Variants in NUP210 observed in about 807,000 individuals in gnomAD.
The protein encoded by NUP210 is nucleoporin 210, also known as nuclear pore membrane glycoprotein 210.
A neutral mutation model predicts 196.0 loss-of-function variants in NUP210; 151 were observed. The ratio of observed to expected loss-of-function variants is 0.77; its 90% CI spans 0.67 to 0.88. NUP210 has a LOEUF of 0.88. NUP210 is among the 40% of genes least tolerant of loss of function. The pLI is 0.00. For missense variants in NUP210, 2,314 were observed against 2,493.7 expected (o/e 0.93, Z 1.53); for synonymous variants, 1,070 against 1,052.7 (o/e 1.02, Z -0.32).
At chr3:13,394,357 C>A (rs1267380096) in intron 3 of NUP210, among the ~76,000 whole-genome samples, 7 of 152,176 alleles carry the variant, frequency 4.6e-5, no homozygotes, top group African/African-American at 1.4e-4. Context: ...TTGCTTTTTC[C>A]ACGCAAAAAG....
At position 13,322,296 on chromosome 3, in the gene NUP210, G is replaced by A; in HGVS notation, c.4812C>T (p.His1604=). The A allele has an allele frequency of 1.2e-6, 2 of 1,614,218 alleles. No individual in the cohort carries two copies. Among genetic ancestry groups the A allele is most frequent in the Non-Finnish European group, 1.7e-6 (2 of 1,180,040 alleles). Residue 1604 remains histidine, a synonymous_variant, in exon 35 of 40, where the codon CAC becomes CAT. Coordinates refer to ENST00000254508, the MANE Select transcript of NUP210 (RefSeq NM_024923.4). ...ACTGGCAGCTGATGAGGGTCTCTGG[G>A]TGCAAGGCCTGGATGACTTCCCTCT... The part of the protein sequence containing the change: ...PTQREVIQAL[H]PETLISCQSQ...
At chr3:13,371,776 C>T in intron 13 of NUP210, 58 bp downstream of exon 13, 1 of 1,494,338 alleles carries the variant, frequency 6.7e-7, no homozygotes, top group Non-Finnish European at 9.1e-7. Flanking sequence ...ATGCTGAGAA[C>T]CCAGACAATC....
intron 5 of NUP210, 47 bp downstream of exon 5, chr3:13,388,256 G>C: frequency 2.6e-6 from 4 of 1,519,186 alleles, no homozygotes; most frequent in South Asian, 2.5e-5. Flanking sequence ...CCGTCAGCCT[G>C]ATTCCACCCC....
intron 13 of NUP210, among the ~76,000 whole-genome samples, chr3:13,367,583 T>C (rs777488755): frequency 4.6e-5 from 7 of 152,168 alleles, no homozygotes; most frequent in East Asian, 1.9e-4. Flanking sequence ...CTTCTGGTAT[T>C]TGGCCTTTCC....
chr3:13,410,950 G>A (rs1426571715), intron 1 of NUP210, among the ~76,000 whole-genome samples: 2 of 149,574 alleles, frequency 1.3e-5, no homozygotes, highest in Admixed American at 1.3e-4. Flanking sequence ...AGCCAGGTGT[G>A]GTGGCATGCA....
At chr3:13,354,285 C>T in intron 16 of NUP210, 178 bp from the exon 17 acceptor site, 1 of 608,318 alleles carries the variant, frequency 1.6e-6, no homozygotes. Flanking sequence ...CCCCCATGGC[C>T]CTGTCCAAGC....
intron 25 of NUP210, among the ~76,000 whole-genome samples, chr3:13,339,319 T>C: frequency 6.6e-6 from 1 of 152,200 alleles, no homozygotes; most frequent in East Asian, 1.9e-4. Flanking sequence ...TGACTGACTC[T>C]GAAACAGGTT....
At chr3:13,389,890 C>T (rs972129811) in intron 4 of NUP210, among the ~76,000 whole-genome samples, 1 of 152,082 alleles carries the variant, frequency 6.6e-6, no homozygotes, top group African/African-American at 2.4e-5. Flanking sequence ...GGACCCTGGC[C>T]GTGAGGGAAC....
intron 20 of NUP210, among the ~76,000 whole-genome samples, chr3:13,346,413 G>T (rs1288441644): frequency 2.0e-5 from 3 of 152,208 alleles, no homozygotes; most frequent in Non-Finnish European, 4.4e-5. Context: ...GTTTGCGAGG[G>T]GAAAGAGGTA....
In NUP210 at chr3:13,350,605, G is replaced by GGGAGTAAA. The variant is rs1251379188; in HGVS notation, c.2835+1266_2835+1273dup. On this transcript the variant is annotated intron_variant, in intron 20 of 39. Transcript: ENST00000254508. This position sits in a 1 kb window ranked among gnomAD's most constrained non-coding sequence, Gnocchi z 4.1. ...AGCCTTCCAACCAAACAACGATGAA[G>GGGAGTAAA]GGAGTAAAGGAAGATTTGATAACAA... Among the ~76,000 whole-genome samples the GGGAGTAAA allele has an allele frequency of 1.3e-5, 2 of 151,826 alleles. No individual in the cohort carries two copies. The highest frequency in any genetic ancestry group is 4.8e-5 in the African/African-American group (2 of 41,284).
intron 20 of NUP210, 156 bp downstream of exon 20, chr3:13,351,723 C>A: frequency 1.6e-6 from 1 of 609,372 alleles, no homozygotes; most frequent in Non-Finnish European, 2.9e-6. Context: ...GTCTTGAACT[C>A]CTGGGCTCAA....
chr3:13,385,516 G>A (rs1007965136), intron 6 of NUP210, among the ~76,000 whole-genome samples: 3 of 152,202 alleles, frequency 2.0e-5, no homozygotes, highest in Non-Finnish European at 4.4e-5. Flanking sequence ...GATTCATTTT[G>A]TCCTCACAGC....
At chr3:13,365,235 A>G (rs916265774) in intron 14 of NUP210, among the ~76,000 whole-genome samples, 3 of 152,206 alleles carry the variant, frequency 2.0e-5, no homozygotes, top group African/African-American at 7.2e-5. Context: ...CTGAGCCTGC[A>G]CTACCCCCTA....
At chr3:13,324,581 T>G (rs960727165) in intron 33 of NUP210, among the ~76,000 whole-genome samples, 3 of 152,176 alleles carry the variant, frequency 2.0e-5, no homozygotes, top group Non-Finnish European at 4.4e-5. Flanking sequence ...TGGATGCTCA[T>G]GGAGCTCTGA....
Position 13,420,075 on chromosome 3 carries a change from TC to T in NUP210, c.151del (p.Glu51ArgfsTer36). On this transcript the variant is annotated frameshift_variant, in exon 1 of 40. Coordinates refer to ENST00000254508, the MANE Select transcript of NUP210 (RefSeq NM_024923.4). LOFTEE classifies it high-confidence loss of function. This position sits in a 1 kb window ranked among gnomAD's most constrained non-coding sequence, Gnocchi z 4.8. The stretch of plus-strand genomic sequence containing the variant: ...CGCGCCTCACCAGCGGTAGCAGCCC[TC>T]CGAGGCCTCCAGCGTGAAGTTAACG... ...TRVNFTLEAS[E>X]GCYRWLSTRP... The T allele has an allele frequency of 7.4e-7, 1 of 1,359,608 alleles. No individual in the cohort carries two copies. The highest frequency in any genetic ancestry group is 9.7e-7 in the Non-Finnish European group (1 of 1,034,938). The allele number at this position is 1,359,608 out of a possible 1,614,324, so 84.2% of individuals were successfully genotyped here.
At chr3:13,365,612 C>A (rs1326665946) in intron 14 of NUP210, among the ~76,000 whole-genome samples, 1 of 152,210 alleles carries the variant, frequency 6.6e-6, no homozygotes, top group African/African-American at 2.4e-5. Context: ...AGAAGCACTC[C>A]CCTGTTCTGA....
intron 20 of NUP210, chr3:13,345,264 T>C (rs955891221): frequency 1.0e-6 from 1 of 981,830 alleles, no homozygotes; most frequent in Admixed American, 6.1e-5. Context: ...CCTTCACTTA[T>C]TTGGAAAGTG....
chr3:13,333,697 G>C (rs150770120), intron 28 of NUP210, among the ~76,000 whole-genome samples: 2 of 152,176 alleles, frequency 1.3e-5, no homozygotes, highest in Non-Finnish European at 2.9e-5. Flanking sequence ...AGGCTGACTC[G>C]GATGCCCCCT....
At chr3:13,355,520 T>C (rs1467073048) in intron 16 of NUP210, among the ~76,000 whole-genome samples, 1 of 152,238 alleles carries the variant, frequency 6.6e-6, no homozygotes, top group Admixed American at 6.5e-5. Flanking sequence ...CATGTGAAGC[T>C]ACGGGATGTG....
Sources: allele counts gnomAD v4.1 joint callset (sites outside exome capture counted in the v4.1 genomes callset), GRCh38; gene constraint gnomAD v4.1.1; non-coding constraint Gnocchi (gnomAD v3.1); transcripts MANE v1.5; gene names NCBI Gene and HGNC (gene_info 2026-07-23, HGNC 2026-07-21).